Variants in ZSCAN5A observed in about 807,000 individuals in gnomAD.
ZSCAN5A encodes zinc finger and SCAN domain-containing protein 5A.
Under a neutral mutation model 23.7 loss-of-function variants are expected in ZSCAN5A, and 12 were observed. That is an observed-to-expected ratio of 0.51 (90% CI 0.32 to 0.82). The LOEUF is 0.82. Among genes scored for constraint, ZSCAN5A ranks in the 40% least tolerant of loss-of-function variants. The pLI is 0.03. For missense variants in ZSCAN5A, 597 were observed against 617.9 expected, an observed-to-expected ratio of 0.97 and a Z score of 0.36; for synonymous variants, 257 against 239.9, an observed-to-expected ratio of 1.07 and a Z score of -0.66.
chr19:56,223,224 G>A (rs2033487600), intron 4 of ZSCAN5A, among the ~76,000 whole-genome samples: 1 of 152,264 alleles, frequency 6.6e-6, no homozygotes, highest in East Asian at 1.9e-4. Context: ...ATGGCCATGT[G>A]TCCGGAAAGG....
At chr19:56,344,221 A>C (rs73937241) in intron 2 of ZSCAN5A, among the ~76,000 whole-genome samples, 1,601 of 152,372 alleles carry the variant, frequency 0.011, 29 homozygotes, top group African/African-American at 0.036. Context: ...AGATGATAAC[A>C]GTCCTTTCCC....
intron 2 of ZSCAN5A, among the ~76,000 whole-genome samples, chr19:56,297,188 G>A (rs1335582677): frequency 6.6e-6 from 1 of 152,146 alleles, no homozygotes; most frequent in Non-Finnish European, 1.5e-5. Context: ...AGAGAGAACA[G>A]TATATGCAAA....
chr19:56,225,256 C>T lies in ZSCAN5A; in HGVS notation c.-127-83G>A, dbSNP rs953935698. On this transcript the variant is annotated intron_variant, in intron 2 of 5. Transcript: ENST00000683990. Reference sequence around the variant, plus strand: ...CTTCGAAATCCCTCATCCTGGATGCCACTTCTTCAGCAGCATCGAATTCAG... The same window carrying T: ...CTTCGAAATCCCTCATCCTGGATGCTACTTCTTCAGCAGCATCGAATTCAG... The T allele has an allele frequency of 2.3e-6, 3 of 1,290,754 alleles. No individual in the cohort carries two copies. The African/African-American group carries it at 4.5e-5, about 19-fold the overall frequency. The allele number at this position is 1,290,754 out of a possible 1,614,324, so 80.0% of individuals were successfully genotyped here.
chr19:56,256,379 A>G (rs2036693074), intron 2 of ZSCAN5A, among the ~76,000 whole-genome samples: 1 of 152,064 alleles, frequency 6.6e-6, no homozygotes, highest in Non-Finnish European at 1.5e-5. Context: ...GTTTTTGTAG[A>G]GACAGAGTTC....
chr19:56,312,954 C>G (rs954778361), intron 2 of ZSCAN5A, among the ~76,000 whole-genome samples: 1 of 152,174 alleles, frequency 6.6e-6, no homozygotes, highest in African/African-American at 2.4e-5. Flanking sequence ...TGCTTGTTAG[C>G]GCCAGTTACT....
At chr19:56,320,877 A>G in intron 2 of ZSCAN5A, 1 of 768,018 alleles carries the variant, frequency 1.3e-6, no homozygotes, top group South Asian at 1.3e-5. Context: ...AGCTTCATGT[A>G]GAGTGTGGGG....
chr19:56,353,641 G>A (rs754785800), intron 2 of ZSCAN5A, among the ~76,000 whole-genome samples: 18 of 151,932 alleles, frequency 1.2e-4, no homozygotes, highest in African/African-American at 2.4e-4. Context: ...AATTAGCTGC[G>A]CGTGGTGGCA....
At chr19:56,247,933 G>A (rs1034602070) in intron 2 of ZSCAN5A, among the ~76,000 whole-genome samples, 7 of 152,060 alleles carry the variant, frequency 4.6e-5, no homozygotes, top group East Asian at 1.9e-4. Context: ...CTCGTGATCC[G>A]CCCGCCTCAC....
At chr19:56,302,145 G>C in intron 2 of ZSCAN5A, 7 of 1,216,088 alleles carry the variant, frequency 5.8e-6, no homozygotes, top group Non-Finnish European at 7.2e-6. Context: ...AGGAAGGAAA[G>C]AGGAGGGAAG....
chr19:56,267,862 C>G (rs193126694), intron 2 of ZSCAN5A, among the ~76,000 whole-genome samples: 1 of 152,124 alleles, frequency 6.6e-6, no homozygotes, highest in Non-Finnish European at 1.5e-5. Flanking sequence ...GAAAAAGTAT[C>G]GACTGTTGCT....
At chr19:56,277,526 A>AG (rs558518070) in intron 2 of ZSCAN5A, among the ~76,000 whole-genome samples, 24 of 130,340 alleles carry the variant, frequency 1.8e-4, no homozygotes, top group Admixed American at 2.6e-4. Flanking sequence ...AGTGATTTCC[A>AG]GGGGGTGAGG....
In ZSCAN5A at chr19:56,357,534, A is replaced by C. The variant is rs1036913491; in HGVS notation, c.-358+5701T>G. On this transcript the variant is annotated intron_variant, in intron 2 of 6. Coordinates refer to the ZSCAN5A transcript ENST00000587340. ...ACTATACCACAAAATATTGTTAGCT[A>C]TAGTTCTACTGTACTGTCAAATACT... is the stretch of plus-strand genomic sequence containing the variant. 5.4e-5 allele frequency among the ~76,000 whole-genome samples: 8 copies of C among 148,294 alleles called. No individual in the cohort carries two copies. In the South Asian group the frequency reaches 1.7e-3, roughly 32 times the overall value.
In ZSCAN5A at chr19:56,336,897, G is replaced by A. The variant is rs538866616; in HGVS notation, c.-357-20629C>T. ...TCAGCAGCAGTGGCTGCAGAACAGC[G>A]GATATTGGTGAACCGCAAATGCTGC... On this transcript the variant is annotated intron_variant, in intron 2 of 6. Coordinates refer to the ZSCAN5A transcript ENST00000587340. 1.8e-4 allele frequency among the ~76,000 whole-genome samples: 28 copies of A among 152,294 alleles called. No individual in the cohort carries two copies. The South Asian group carries it at 4.2e-3, about 23-fold the overall frequency.
chr19:56,222,617 G>C lies in ZSCAN5A; in HGVS notation c.713C>G (p.Pro238Arg). 6.2e-7 allele frequency: 1 copy of C among 1,614,204 alleles called. No individual in the cohort carries two copies. The highest frequency in any genetic ancestry group is 8.5e-7 in the Non-Finnish European group (1 of 1,180,050). The change falls in exon 5 of 6, where the codon CCA (proline) becomes CGA (arginine). Residue 238 changes from proline (P) to arginine (R), a missense_variant. Around this residue, in one of 5 missense-constraint regions of ZSCAN5A, gnomAD observed 406 missense variants for 353.2 expected, o/e 1.15. Coordinates refer to ENST00000683990, the MANE Select transcript of ZSCAN5A (RefSeq NM_001322064.3). ...NREENPGLTS[P>R]EPQLPKSPTD... ...GGGACTCTTTGGAAGCTGAGGCTCT[G>C]GGGATGTCAGTCCTGGGTTCTCTTC...
intron 2 of ZSCAN5A, among the ~76,000 whole-genome samples, chr19:56,297,111 T>C (rs2039926806): frequency 6.6e-6 from 1 of 151,038 alleles, no homozygotes; most frequent in Middle Eastern, 3.4e-3. Context: ...GAACATGACA[T>C]GTGAGCAAAG....
intron 2 of ZSCAN5A, among the ~76,000 whole-genome samples, chr19:56,226,386 C>G (rs1361855933): frequency 6.6e-6 from 1 of 151,868 alleles, no homozygotes; most frequent in Non-Finnish European, 1.5e-5. Context: ...CGAGAAAACA[C>G]ATAACCCACT....
intron 2 of ZSCAN5A, chr19:56,321,038 C>A: frequency 1.4e-6 from 1 of 703,782 alleles, no homozygotes; most frequent in South Asian, 1.4e-5. Flanking sequence ...AGACTTCTCT[C>A]ACTGACATGG....
rs970396316 is a variant in ZSCAN5A at position 56,225,050 on chromosome 19, T to G, written c.-4A>C. On this transcript the variant is annotated 5_prime_UTR_variant, in exon 3 of 6. Coordinates refer to ENST00000683990, the MANE Select transcript of ZSCAN5A (RefSeq NM_001322064.3). ...AGGATGTGCAATTTGCAGCCATATCTAGTGGAGAATTTTTTAATCAGTCTC... is the reference window on the plus strand; with the variant it reads ...AGGATGTGCAATTTGCAGCCATATCGAGTGGAGAATTTTTTAATCAGTCTC... 6.3e-7 allele frequency: 1 copy of G among 1,575,772 alleles called. No homozygotes were observed. The highest frequency in any genetic ancestry group is 8.6e-7 in the Non-Finnish European group (1 of 1,160,056).
chr19:56,350,658 A>T (rs1416476079), intron 2 of ZSCAN5A, among the ~76,000 whole-genome samples: 1 of 152,140 alleles, frequency 6.6e-6, no homozygotes, highest in Non-Finnish European at 1.5e-5. Flanking sequence ...AGTGGAGGCA[A>T]GCCAGTATTG....
Sources: gnomAD v4.1 joint callset for allele counts (sites outside exome capture counted in the v4.1 genomes callset) on GRCh38, gnomAD v4.1.1 for gene constraint, gnomAD v4.1.1 regional missense constraint, MANE v1.5 for transcripts, NCBI Gene and HGNC (gene_info 2026-07-23, HGNC 2026-07-21) for gene names.